The following FAM217A variants were observed in gnomAD, a reference collection of about 807,000 sequenced individuals.
FAM217A encodes the protein family with sequence similarity 217 member A, also known as protein FAM217A.
FAM217A carries 13 observed loss-of-function variants against 18.5 expected under a neutral mutation model. That is an observed-to-expected ratio of 0.70 (90% CI 0.46 to 1.12). The LOEUF (loss-of-function observed/expected upper bound fraction) is 1.12. Ranked by LOEUF, FAM217A falls within the 50% of genes most tolerant of loss-of-function variation. The pLI, the probability that FAM217A is intolerant of heterozygous loss-of-function variation, is 0.00. For synonymous variants in FAM217A, 161 were observed against 202.8 expected, an observed-to-expected ratio of 0.79 and a Z score of 1.75; for missense variants, 560 against 575.4, an observed-to-expected ratio of 0.97 and a Z score of 0.27.
intron 6 of FAM217A, among the ~76,000 whole-genome samples, chr6:4,072,014 T>C (rs916574643): frequency 2.0e-5 from 3 of 152,180 alleles, no homozygotes; most frequent in Non-Finnish European, 2.9e-5. Flanking sequence ...CTAGTCTTAA[T>C]GCACGATAAA....
chr6:4,068,420 GAGT>G lies in FAM217A; in HGVS notation c.*273_*275del, dbSNP rs1422081787. 1.5e-4 allele frequency: 45 copies of G among 293,838 alleles called. No individual in the cohort carries two copies. Among genetic ancestry groups the G allele is most frequent in the Non-Finnish European group, 2.3e-4 (37 of 160,436 alleles). 18.2% of individuals were successfully genotyped at this position (293,838 alleles called of 1,614,324 possible). A position where few individuals can be genotyped will look rare whatever the true frequency, so the allele number is the denominator to read the frequency against. On this transcript the variant is annotated 3_prime_UTR_variant, in exon 7 of 7. Coordinates refer to ENST00000274673, the MANE Select transcript of FAM217A (RefSeq NM_173563.3). ...TACTGGAAAACAATCACTGAAAAAA[GAGT>G]AGCCTTTTGAATAGAATAGTCTACC...
Position 4,078,966 on chromosome 6 carries a change from T to C in FAM217A, c.-149A>G, listed in dbSNP as rs1039207311. 1.9e-6 allele frequency: 1 copy of C among 522,286 alleles called. No individual in the cohort carries two copies. Among genetic ancestry groups the C allele is most frequent in the Admixed American group, 3.8e-5 (1 of 26,164 alleles). 32.4% of individuals were successfully genotyped at this position (522,286 alleles called of 1,614,324 possible). On this transcript the variant is annotated 5_prime_UTR_variant, in exon 1 of 7. Coordinates refer to ENST00000274673, the MANE Select transcript of FAM217A (RefSeq NM_173563.3). ...GGAGGGCGCCCCCTCTGCCGCGGCC[T>C]TCCTGCAGCGGGGGGACAAAGAGGG...
intron 2 of FAM217A, among the ~76,000 whole-genome samples, chr6:4,076,815 T>C (rs1167552537): frequency 1.3e-5 from 2 of 152,010 alleles, no homozygotes; most frequent in African/African-American, 4.8e-5. Flanking sequence ...TTATAGTGAG[T>C]TGAGATCGTG....
upstream of FAM217A, chr6:4,087,202 C>A: frequency 1.3e-6 from 1 of 754,882 alleles, no homozygotes; most frequent in Non-Finnish European, 1.8e-6. Flanking sequence ...CGCGCCCCCG[C>A]TTTCCCCTCT....
upstream of FAM217A, among the ~76,000 whole-genome samples, chr6:4,083,384 T>C (rs1323432610): frequency 6.6e-6 from 1 of 152,242 alleles, no homozygotes; most frequent in African/African-American, 2.4e-5. Context: ...AGTTTCTAAT[T>C]ATTCTGGAGG....
At chr6:4,073,170 A>G (rs1200111709) in intron 6 of FAM217A, 105 bp downstream of exon 6, 8 of 898,234 alleles carry the variant, frequency 8.9e-6, no homozygotes, top group East Asian at 7.6e-5. Flanking sequence ...ACAGAATACT[A>G]TTTTCTTCTG....
chr6:4,073,539 T>C, intron 4 of FAM217A, 32 bp from the exon 5 acceptor site: 1 of 1,530,238 alleles, frequency 6.5e-7, no homozygotes. Flanking sequence ...TTAAACATAA[T>C]ATATCTCTGT....
chr6:4,069,543 T>C lies in FAM217A; in HGVS notation c.680A>G (p.Lys227Arg). ...CTCAACATTTTTTATTGTTTCTGGC[T>C]TCAAGTTCAGGTCCACCTTTTTAAA... ...SYFKKVDLNL[K>R]PETIKNVEEP... Residue 227 changes from lysine to arginine, a missense_variant, in exon 7 of 7, where the codon AAG becomes AGG. By Grantham distance (26) the Lys-to-Arg change is conservative (BLOSUM62 2). Coordinates refer to ENST00000274673, the MANE Select transcript of FAM217A (RefSeq NM_173563.3). 6.2e-7 allele frequency: 1 copy of C among 1,614,176 alleles called. No individual in the cohort carries two copies. Among genetic ancestry groups the C allele is most frequent in the Non-Finnish European group, 8.5e-7 (1 of 1,180,036 alleles).
In FAM217A at chr6:4,078,328, A is replaced by G. The variant is rs772901065; in HGVS notation, c.-35+524T>C. Among the ~76,000 whole-genome samples, 21 of 152,280 alleles carry G rather than the reference A, an allele frequency of 1.4e-4. No individual in the cohort carries two copies. In the East Asian group the frequency reaches 3.9e-3, roughly 28 times the overall value. On this transcript the variant is annotated intron_variant, in intron 1 of 6. Transcript: ENST00000274673. ...CAGTCTCCCAAAGTGCTGGGATTAC[A>G]GGCGTGATCCACTGCACCCGGCCAA...
Position 4,077,378 on chromosome 6 carries a change from G to C in FAM217A, c.37C>G (p.Arg13Gly). 6.2e-7 allele frequency: 1 copy of C among 1,614,170 alleles called. No individual in the cohort carries two copies. Among genetic ancestry groups the C allele is most frequent in the Non-Finnish European group, 8.5e-7 (1 of 1,180,024 alleles). ...ACCTCCTGAGAGATGTTTGACACACGTAGGCTGTTAGCACAGTTCTCATTT... is the reference window on the plus strand; with the variant it reads ...ACCTCCTGAGAGATGTTTGACACACCTAGGCTGTTAGCACAGTTCTCATTT... Reference protein sequence around the residue: ...RRNENCANSLRVSNISQENLS... With the variant: ...RRNENCANSLGVSNISQENLS... Residue 13 changes from arginine to glycine, a missense_variant, in exon 2 of 7, where the codon CGT becomes GGT. By Grantham distance (125) the Arg-to-Gly change is moderately radical (BLOSUM62 -2). Coordinates refer to ENST00000274673, the MANE Select transcript of FAM217A (RefSeq NM_173563.3).
upstream of FAM217A, chr6:4,079,353 C>G (rs1380447026): frequency 4.5e-6 from 1 of 223,208 alleles, no homozygotes; most frequent in East Asian, 1.8e-4. Context: ...CGCCCGGCCT[C>G]CCCCGCGGGG....
chr6:4,077,353 AC>A lies in FAM217A; in HGVS notation c.60+1del. ...ACTCAAGTTCAACAGCGCCTGCCAT[AC>A]CTCCTGAGAGATGTTTGACACACGT... On this transcript the variant is annotated splice_donor_variant, in intron 2 of 6. Coordinates refer to ENST00000274673, the MANE Select transcript of FAM217A (RefSeq NM_173563.3). LOFTEE classifies it high-confidence loss of function. The A allele has an allele frequency of 6.2e-7, 1 of 1,614,002 alleles. No individual in the cohort carries two copies. Among genetic ancestry groups the A allele is most frequent in the African/African-American group, 1.3e-5 (1 of 75,006 alleles).
At position 4,069,654 on chromosome 6, in the gene FAM217A, T is replaced by A. The variant is rs1285575232; in HGVS notation, c.569A>T (p.His190Leu). 1.9e-6 allele frequency: 3 copies of A among 1,614,220 alleles called. No individual in the cohort carries two copies. The highest frequency in any genetic ancestry group is 3.3e-4 in the Middle Eastern group (2 of 6,060). Residue 190 changes from histidine (H) to leucine (L), a missense_variant, in exon 7 of 7, where the codon CAT becomes CTT. By Grantham distance (99) the His-to-Leu change is moderately conservative. Transcript: ENST00000274673. ...TLPAPNWNLK[H>L]GNSSVEENFT... is the part of the protein sequence containing the mutation. ...ATTTTCTTCCACACTGCTGTTTCCATGTTTCAAATTCCAATTTGGAGCAGG... is the reference window on the plus strand; with the variant it reads ...ATTTTCTTCCACACTGCTGTTTCCAAGTTTCAAATTCCAATTTGGAGCAGG...
Position 4,068,792 on chromosome 6 carries a change from T to C in FAM217A, c.1431A>G (p.Ile477Met), listed in dbSNP as rs1769191582. The stretch of plus-strand genomic sequence containing the variant: ...GAATAGAGAATGGTCTATTCAACAC[T>C]ATATTTTGTCGGTAAAGTTTCTTTT... ...GTKKKLYRQN[I>M]VLNRPFSIQK... Residue 477 changes from isoleucine to methionine, a missense_variant, in exon 7 of 7, where the codon ATA becomes ATG. Transcript: ENST00000274673. The C allele has an allele frequency of 1.2e-6, 2 of 1,614,046 alleles. No homozygotes were observed. The highest frequency in any genetic ancestry group is 2.7e-5 in the African/African-American group (2 of 74,936).
In FAM217A at chr6:4,069,740, G is replaced by A; in HGVS notation, c.483C>T (p.Asn161=). 6.2e-7 allele frequency: 1 copy of A among 1,613,978 alleles called. No individual in the cohort carries two copies. The highest frequency in any genetic ancestry group is 2.2e-5 in the East Asian group (1 of 44,880). ...ATGAACTAACATGAATCTCATTTCTGTTCTTAAAAAAGTCTCCATCAGCAT... is the reference window on the plus strand; with the variant it reads ...ATGAACTAACATGAATCTCATTTCTATTCTTAAAAAAGTCTCCATCAGCAT... The part of the protein sequence containing the change: ...WPYADGDFFK[N]RNEIHVSSCS... The change falls in exon 7 of 7, where the codon AAC becomes AAT. Residue 161 remains asparagine, a synonymous_variant. Transcript: ENST00000274673.
chr6:4,070,018 T>C (rs1329409514), intron 6 of FAM217A, 98 bp from the exon 7 acceptor site: 1 of 911,896 alleles, frequency 1.1e-6, no homozygotes, highest in Admixed American at 3.3e-5. Context: ...GATTGGTTAA[T>C]GTTTAGTTCC....
At chr6:4,086,805 T>A (rs574584918) in intron 1 of FAM217A, among the ~76,000 whole-genome samples, 77 of 152,346 alleles carry the variant, frequency 5.1e-4, no homozygotes, top group African/African-American at 1.7e-3. Flanking sequence ...CTGATACTAG[T>A]TCTTGGCAGC....
Position 4,068,619 on chromosome 6 carries a change from C to A in FAM217A, c.*77G>T. On this transcript the variant is annotated 3_prime_UTR_variant, in exon 7 of 7. Transcript: ENST00000274673. Reference sequence around the variant, plus strand: ...GGGGGACTGTTAATAGTACCTGTGTCTTGGAATAATTAACCATATCTTAGT... The same window carrying A: ...GGGGGACTGTTAATAGTACCTGTGTATTGGAATAATTAACCATATCTTAGT... 6.8e-7 allele frequency: 1 copy of A among 1,469,046 alleles called. No individual in the cohort carries two copies. 91.0% of individuals were successfully genotyped at this position (1,469,046 alleles called of 1,614,324 possible).
In FAM217A at chr6:4,069,647, G is replaced by A. The variant is rs1769268301; in HGVS notation, c.576C>T (p.Asn192=). The A allele has an allele frequency of 3.7e-6, 6 of 1,614,110 alleles. No individual in the cohort carries two copies. The highest frequency in any genetic ancestry group is 5.1e-6 in the Non-Finnish European group (6 of 1,180,028). The change falls in exon 7 of 7, where the codon AAC becomes AAT. Residue 192 remains asparagine (N), a synonymous_variant. Coordinates refer to ENST00000274673, the MANE Select transcript of FAM217A (RefSeq NM_173563.3). ...PAPNWNLKHG[N]SSVEENFTDE... is the part of the protein sequence containing the mutation. ...CTGTGAAATTTTCTTCCACACTGCT[G>A]TTTCCATGTTTCAAATTCCAATTTG...
Sources: allele counts gnomAD v4.1 joint callset (sites outside exome capture counted in the v4.1 genomes callset), GRCh38; gene constraint gnomAD v4.1.1; transcripts MANE v1.5; gene names NCBI Gene and HGNC (gene_info 2026-07-23, HGNC 2026-07-21).